The following ARK2C variants were observed in gnomAD, a reference collection of about 807,000 sequenced individuals.
ARK2C encodes E3 ubiquitin-protein ligase ARK2C.
At chr18:46,461,646 CAAAAAA>C in the ARK2C span, 36,907 of 85,040 alleles carry the variant, frequency 0.43, 6,140 homozygotes, top group East Asian at 0.76. Flanking sequence ...AAACTCAGTC[CAAAAAA>C]AAAAAAAAAA....
chr18:46,378,858 C>T, the ARK2C span, among the ~76,000 whole-genome samples: 2 of 152,150 alleles, frequency 1.3e-5, no homozygotes, highest in African/African-American at 4.8e-5. Flanking sequence ...TAGAGAGGTG[C>T]CCCTCCTATG....
the ARK2C span, among the ~76,000 whole-genome samples, chr18:46,414,904 C>A: frequency 6.6e-6 from 1 of 152,172 alleles, no homozygotes; most frequent in Non-Finnish European, 1.5e-5. Context: ...GGGGAGCGTG[C>A]ACTTCCACCC....
the ARK2C span, among the ~76,000 whole-genome samples, chr18:46,388,895 A>G: frequency 6.6e-6 from 1 of 152,182 alleles, no homozygotes; most frequent in African/African-American, 2.4e-5. Flanking sequence ...ACAGAGATAA[A>G]GAAAAAAAAA....
At chr18:46,410,873 G>C in the ARK2C span, among the ~76,000 whole-genome samples, 2 of 152,184 alleles carry the variant, frequency 1.3e-5, no homozygotes, top group Non-Finnish European at 2.9e-5. Context: ...ACATGCCTTT[G>C]TAATGTTTAC....
At chr18:46,367,998 C>A in the ARK2C span, among the ~76,000 whole-genome samples, 1 of 152,218 alleles carries the variant, frequency 6.6e-6, no homozygotes. Flanking sequence ...GCACCCCCAG[C>A]TGGGAGGGGC....
the ARK2C span, among the ~76,000 whole-genome samples, chr18:46,356,640 T>C: frequency 6.6e-6 from 1 of 152,148 alleles, no homozygotes; most frequent in African/African-American, 2.4e-5. Context: ...GATTCCATCA[T>C]GGGTTCCCAC....
the ARK2C span, among the ~76,000 whole-genome samples, chr18:46,372,511 G>A: frequency 6.6e-6 from 1 of 152,174 alleles, no homozygotes; most frequent in South Asian, 2.1e-4. Flanking sequence ...ACCTTAGTAA[G>A]CCCCCTTCCA....
the ARK2C span, among the ~76,000 whole-genome samples, chr18:46,420,310 A>C: frequency 6.6e-6 from 1 of 152,208 alleles, no homozygotes; most frequent in African/African-American, 2.4e-5. Context: ...AGGAGGGCAC[A>C]GGAGAAAGGG....
At chr18:46,459,178 G>A in the ARK2C span, 2 of 152,272 alleles carry the variant, frequency 1.3e-5, no homozygotes, top group Admixed American at 6.5e-5. Context: ...TGGCAAGTGG[G>A]AGGGAGTCAG....
chr18:46,419,841 C>G, the ARK2C span, among the ~76,000 whole-genome samples: 5 of 152,274 alleles, frequency 3.3e-5, no homozygotes, highest in East Asian at 1.9e-4. Context: ...CTCCCTCCCC[C>G]CTTCCTCTTT....
the ARK2C span, among the ~76,000 whole-genome samples, chr18:46,416,510 C>T: frequency 1.3e-5 from 2 of 152,220 alleles, no homozygotes; most frequent in African/African-American, 4.8e-5. Flanking sequence ...GAGAGCACAA[C>T]TCAAAATTGA....
chr18:46,452,083 A>G, the ARK2C span, among the ~76,000 whole-genome samples: 1 of 152,190 alleles, frequency 6.6e-6, no homozygotes, highest in Admixed American at 6.5e-5. Context: ...GATACATGAC[A>G]TTATGCATTT....
chr18:46,373,960 T>C, the ARK2C span, among the ~76,000 whole-genome samples: 1 of 152,144 alleles, frequency 6.6e-6, no homozygotes, highest in Non-Finnish European at 1.5e-5. Context: ...AGGGGCTGTG[T>C]GGCACCCATG....
chr18:46,441,748 T>C, the ARK2C span, among the ~76,000 whole-genome samples: 1 of 144,212 alleles, frequency 6.9e-6, no homozygotes, highest in African/African-American at 2.6e-5. Flanking sequence ...ATTAGCCAGG[T>C]GCAGTGGCGG....
At chr18:46,442,766 A>C in the ARK2C span, among the ~76,000 whole-genome samples, 1 of 152,068 alleles carries the variant, frequency 6.6e-6, no homozygotes, top group Non-Finnish European at 1.5e-5. Flanking sequence ...CTAGAACTCT[A>C]CTTATGAATT....
the ARK2C span, among the ~76,000 whole-genome samples, chr18:46,431,654 T>C: frequency 7.2e-5 from 11 of 152,344 alleles, no homozygotes; most frequent in South Asian, 8.3e-4. Context: ...AGCATGGTGC[T>C]GCACCCCTGC....
At chr18:46,334,153 GCGCTCCGCCTCC>G in the ARK2C span, 1 of 398,622 alleles carries the variant, frequency 2.5e-6, no homozygotes, top group Non-Finnish European at 3.4e-6. This position sits in a 1 kb window ranked among gnomAD's most constrained non-coding sequence, Gnocchi z 4.4. Context: ...CCCGCGCCCC[GCGCTCCGCCTCC>G]CGCCCCGGCG....
chr18:46,394,055 G>T, the ARK2C span, among the ~76,000 whole-genome samples: 1 of 152,210 alleles, frequency 6.6e-6, no homozygotes, highest in African/African-American at 2.4e-5. Context: ...TTAGCTTCCT[G>T]TTGCCCTCGG....
chr18:46,371,916 C>CTCT, the ARK2C span, among the ~76,000 whole-genome samples: 1 of 152,192 alleles, frequency 6.6e-6, no homozygotes. Context: ...TCATCATTTA[C>CTCT]TCTTATCCAT....
Sources: gnomAD v4.1 joint callset for allele counts (sites outside exome capture counted in the v4.1 genomes callset) on GRCh38, gnomAD v4.1.1 for gene constraint, Gnocchi (gnomAD v3.1) non-coding constraint, MANE v1.5 for transcripts, NCBI Gene and HGNC (gene_info 2026-07-23, HGNC 2026-07-21) for gene names.